PTPRM: variants seen among roughly 807,000 people sequenced by gnomAD.
PTPRM encodes the protein protein tyrosine phosphatase receptor type M.
PTPRM carries 47 observed loss-of-function variants against 186.7 expected under a neutral mutation model. The ratio of observed to expected loss-of-function variants is 0.25; its 90% CI spans 0.20 to 0.32. The LOEUF (loss-of-function observed/expected upper bound fraction) is 0.32, where lower values mean the gene tolerates loss of function less well. Ranked by LOEUF, PTPRM falls within the 10% of genes least tolerant of loss-of-function variation. PTPRM has a pLI of 1.00. For missense variants in PTPRM, 1,494 were observed against 1,865.0 expected, an observed-to-expected ratio of 0.80 and a Z score of 3.66; for synonymous variants, 668 against 674.9, an observed-to-expected ratio of 0.99 and a Z score of 0.16.
At chr18:7,772,444 C>CCCTTCCTTCCTTCCTTCCTTCCTT (rs200187256) in intron 1 of PTPRM, among the ~76,000 whole-genome samples, 6 of 92,422 alleles carry the variant, frequency 6.5e-5, no homozygotes, top group African/African-American at 2.1e-4. Context: ...CTTCCCCTTC[C>CCCTTCCTTCCTTCCTTCCTTCCTT]CCTTCCTTCC....
chr18:8,169,458 C>T (rs1164443190), intron 14 of PTPRM, among the ~76,000 whole-genome samples: 3 of 152,086 alleles, frequency 2.0e-5, no homozygotes, highest in Non-Finnish European at 4.4e-5. Context: ...AATAGGTCTA[C>T]TTCCCCTGTT....
intron 2 of PTPRM, among the ~76,000 whole-genome samples, chr18:7,784,230 G>A (rs1297003150): frequency 6.6e-6 from 1 of 152,110 alleles, no homozygotes; most frequent in East Asian, 1.9e-4. Flanking sequence ...TTCACTTTAA[G>A]ACCAGGAACA....
chr18:7,787,637 A>T, intron 2 of PTPRM, among the ~76,000 whole-genome samples: 1 of 152,214 alleles, frequency 6.6e-6, no homozygotes, highest in East Asian at 1.9e-4. Context: ...CCCCTCACAC[A>T]TTCACACACA....
chr18:7,578,250 A>C (rs1217344786), intron 1 of PTPRM, among the ~76,000 whole-genome samples: 2 of 151,988 alleles, frequency 1.3e-5, no homozygotes, highest in African/African-American at 4.8e-5. Flanking sequence ...TGCAGCCTTG[A>C]ACTCCTGGGC....
intron 1 of PTPRM, among the ~76,000 whole-genome samples, chr18:7,726,699 C>T (rs527421736): frequency 6.6e-6 from 1 of 152,268 alleles, no homozygotes; most frequent in South Asian, 2.1e-4. Context: ...TACCATTGTG[C>T]CTTATTGCAG....
intron 7 of PTPRM, among the ~76,000 whole-genome samples, chr18:7,974,485 A>G (rs1159588082): frequency 6.6e-6 from 1 of 152,188 alleles, no homozygotes; most frequent in Non-Finnish European, 1.5e-5. Flanking sequence ...AATGGTTTTA[A>G]TCCGGACGTT....
chr18:7,746,260 A>G (rs1322663152), intron 1 of PTPRM, among the ~76,000 whole-genome samples: 2 of 152,186 alleles, frequency 1.3e-5, no homozygotes, highest in Non-Finnish European at 2.9e-5. Context: ...AAGACATGTA[A>G]TCTTCAAAGA....
intron 11 of PTPRM, among the ~76,000 whole-genome samples, chr18:8,091,677 T>G (rs374870188): frequency 6.6e-6 from 1 of 151,416 alleles, no homozygotes; most frequent in African/African-American, 2.4e-5. Context: ...ATCTGTAGAA[T>G]AGATGGAAGA....
chr18:7,684,631 C>A (rs969984570), intron 1 of PTPRM, among the ~76,000 whole-genome samples: 4 of 152,176 alleles, frequency 2.6e-5, no homozygotes, highest in African/African-American at 9.6e-5. Flanking sequence ...TTTCACTTAA[C>A]AAAATGTCCC....
At chr18:7,694,255 T>C (rs2039794405) in intron 1 of PTPRM, among the ~76,000 whole-genome samples, 1 of 152,168 alleles carries the variant, frequency 6.6e-6, no homozygotes, top group Non-Finnish European at 1.5e-5. Flanking sequence ...GTGAATTCCA[T>C]GTGTCTCATG....
chr18:8,037,274 C>A (rs1028200719), intron 7 of PTPRM, among the ~76,000 whole-genome samples: 1 of 152,172 alleles, frequency 6.6e-6, no homozygotes, highest in Admixed American at 6.5e-5. Flanking sequence ...TTTTCTCATC[C>A]ACTTTACAGG....
chr18:7,659,730 G>A (rs538766315), intron 1 of PTPRM, among the ~76,000 whole-genome samples: 1 of 152,296 alleles, frequency 6.6e-6, no homozygotes, highest in South Asian at 2.1e-4. Context: ...CGTGACACAT[G>A]TTTTCTTTGA....
chr18:7,821,018 A>G (rs138404196), intron 2 of PTPRM, among the ~76,000 whole-genome samples: 1 of 152,122 alleles, frequency 6.6e-6, no homozygotes, highest in African/African-American at 2.4e-5. Flanking sequence ...TTGTGGAGCT[A>G]CTGATTAGAG....
chr18:8,046,037 G>A (rs376954281), intron 7 of PTPRM, among the ~76,000 whole-genome samples: 1 of 152,220 alleles, frequency 6.6e-6, no homozygotes, highest in African/African-American at 2.4e-5. Context: ...GGATCGTGGG[G>A]GCGGTTTCCT....
At chr18:8,278,264 TTG>T (rs1170967657) in intron 19 of PTPRM, among the ~76,000 whole-genome samples, 1 of 152,240 alleles carries the variant, frequency 6.6e-6, no homozygotes, top group Admixed American at 6.5e-5. Flanking sequence ...AAAGCATCTG[TTG>T]TCTCTGCAGC....
chr18:7,672,061 T>C (rs919525861), intron 1 of PTPRM, among the ~76,000 whole-genome samples: 1 of 152,236 alleles, frequency 6.6e-6, no homozygotes. Flanking sequence ...ATAGGAATCA[T>C]CATTTTCCAA....
chr18:7,851,834 T>C (rs1234703289), intron 2 of PTPRM, among the ~76,000 whole-genome samples: 1 of 152,122 alleles, frequency 6.6e-6, no homozygotes, highest in Non-Finnish European at 1.5e-5. Flanking sequence ...GTAATAATGG[T>C]TTTTTGGGTC....
chr18:7,737,594 T>TTA (rs2040798809), intron 1 of PTPRM, among the ~76,000 whole-genome samples: 1 of 152,218 alleles, frequency 6.6e-6, no homozygotes, highest in Non-Finnish European at 1.5e-5. Flanking sequence ...TTAAAATACC[T>TTA]GTGGACTGGC....
chr18:8,299,589 A>G (rs1190101537), intron 20 of PTPRM, among the ~76,000 whole-genome samples: 3 of 129,820 alleles, frequency 2.3e-5, no homozygotes, highest in South Asian at 2.6e-4. Flanking sequence ...CAGAGGTCTC[A>G]AAAAAACAAA....
Sources: gnomAD v4.1 joint callset for allele counts (sites outside exome capture counted in the v4.1 genomes callset) on GRCh38, gnomAD v4.1.1 for gene constraint, MANE v1.5 for transcripts, NCBI Gene and HGNC (gene_info 2026-07-23, HGNC 2026-07-21) for gene names.